The following CHRM5 variants were observed in gnomAD, a reference collection of about 807,000 sequenced individuals.
CHRM5 encodes cholinergic receptor muscarinic 5.
A neutral mutation model predicts 39.0 loss-of-function variants in CHRM5; 18 were observed. The ratio of observed to expected loss-of-function variants is 0.46; its 90% confidence interval spans 0.32 to 0.68. The LOEUF (loss-of-function observed/expected upper bound fraction) is 0.68. CHRM5 is among the 30% of genes least tolerant of loss of function. The pLI is 0.04. For missense variants in CHRM5, 515 were observed against 651.1 expected, an observed-to-expected ratio of 0.79 and a Z score of 2.28; for synonymous variants, 241 against 246.3, an observed-to-expected ratio of 0.98 and a Z score of 0.20.
chr15:33,980,193 G>T (rs1896073541), intron 1 of CHRM5, among the ~76,000 whole-genome samples: 1 of 152,206 alleles, frequency 6.6e-6, no homozygotes, highest in African/African-American at 2.4e-5. Context: ...ATTAAAGTAT[G>T]TAAGTATGTC....
chr15:34,067,413 T>G lies in CHRM5; in HGVS notation c.*3097T>G, dbSNP rs1037480561. The G allele has an allele frequency of 3.9e-5, 6 of 152,236 alleles. No homozygotes were observed. Among genetic ancestry groups the G allele is most frequent in the Admixed American group, 3.9e-4 (6 of 15,280 alleles). The allele number at this position is 152,236 out of a possible 1,614,324, so 9.4% of individuals were successfully genotyped here. A position where few individuals can be genotyped will look rare whatever the true frequency, so the allele number is the denominator to read the frequency against. ...GGATATGGGGACTGGGCTGCTTTTCTGTATTGTATAAGCACTATTCTAGAT... is the reference window on the plus strand; with the variant it reads ...GGATATGGGGACTGGGCTGCTTTTCGGTATTGTATAAGCACTATTCTAGAT... On this transcript the variant is annotated 3_prime_UTR_variant, in exon 3 of 3. Transcript: ENST00000383263.
At chr15:34,002,015 TCA>T (rs763915543) in intron 1 of CHRM5, among the ~76,000 whole-genome samples, 2 of 152,228 alleles carry the variant, frequency 1.3e-5, no homozygotes, top group South Asian at 4.1e-4. Context: ...AATTGCAGAT[TCA>T]CACACAGTTA....
chr15:34,053,102 C>T (rs951417476), intron 2 of CHRM5, among the ~76,000 whole-genome samples: 4 of 151,584 alleles, frequency 2.6e-5, no homozygotes, highest in East Asian at 1.9e-4. Flanking sequence ...GAATTTGAGA[C>T]GAGCCTAGCC....
chr15:33,990,489 T>C (rs1056018900), intron 1 of CHRM5, among the ~76,000 whole-genome samples: 4 of 152,098 alleles, frequency 2.6e-5, no homozygotes, highest in African/African-American at 9.7e-5. Context: ...ACCAGAAGAG[T>C]ATCTGGAATA....
At chr15:34,017,744 T>C (rs1898004305) in intron 1 of CHRM5, among the ~76,000 whole-genome samples, 1 of 152,136 alleles carries the variant, frequency 6.6e-6, no homozygotes, top group Non-Finnish European at 1.5e-5. Context: ...CCTCCCAAAG[T>C]GCTGGGATTA....
chr15:34,063,451 C>T lies in CHRM5; in HGVS notation c.734C>T (p.Ala245Val), dbSNP rs1900416935. Reference protein sequence around the residue: ...SVTKAEKRKPAHRALFRSCLR... With the variant: ...SVTKAEKRKPVHRALFRSCLR... ...ACCAAAGCTGAGAAGAGAAAGCCAGCTCATAGGGCTCTGTTCAGATCCTGC... is the reference window on the plus strand; with the variant it reads ...ACCAAAGCTGAGAAGAGAAAGCCAGTTCATAGGGCTCTGTTCAGATCCTGC... Residue 245 changes from alanine to valine, a missense_variant, in exon 3 of 3, where the codon GCT (alanine) becomes GTT (valine). Transcript: ENST00000383263. This position sits in a 1 kb window ranked among gnomAD's most constrained non-coding sequence, Gnocchi z 4.1. The T allele has an allele frequency of 6.2e-7, 1 of 1,613,870 alleles. No individual in the cohort carries two copies. The highest frequency in any genetic ancestry group is 8.5e-7 in the Non-Finnish European group (1 of 1,180,040).
chr15:33,989,145 C>G (rs568662630), intron 1 of CHRM5, among the ~76,000 whole-genome samples: 6 of 141,832 alleles, frequency 4.2e-5, no homozygotes, highest in Admixed American at 1.4e-4. Flanking sequence ...AAATCCCACA[C>G]AAACACACAC....
chr15:34,036,064 G>A (rs1171699448), intron 1 of CHRM5, among the ~76,000 whole-genome samples: 2 of 151,594 alleles, frequency 1.3e-5, no homozygotes, highest in Non-Finnish European at 2.9e-5. Context: ...CCAAAGTGCT[G>A]GGATTACAAG....
rs141408054 is a variant in CHRM5 at position 34,062,764 on chromosome 15, C to T, written c.47C>T (p.Pro16Leu). The stretch of plus-strand genomic sequence containing the variant: ...AATGCAACCACCGTCAATGGCACCC[C>T]AGTAAATCACCAGCCTTTGGAACGC... ...YHNATTVNGT[P>L]VNHQPLERHR... Residue 16 changes from proline (P) to leucine (L), a missense_variant, in exon 3 of 3, where the codon CCA becomes CTA. By Grantham distance (98) the Pro-to-Leu change is moderately conservative (BLOSUM62 -3). Transcript: ENST00000383263. 137 of 1,613,912 alleles carry T rather than the reference C, an allele frequency of 8.5e-5. 1 individual carries two copies. The African/African-American group carries it at 1.5e-3, about 18-fold the overall frequency.
intron 1 of CHRM5, among the ~76,000 whole-genome samples, chr15:34,002,564 A>C (rs1032705557): frequency 1.3e-5 from 2 of 152,182 alleles, no homozygotes; most frequent in Non-Finnish European, 2.9e-5. Context: ...AAAAGCAAAA[A>C]CAAAAACTTG....
chr15:33,984,003 T>G (rs8039574), intron 1 of CHRM5, among the ~76,000 whole-genome samples: 44,392 of 151,066 alleles, frequency 0.29, 8,191 homozygotes, highest in African/African-American at 0.51. Context: ...AAAGTGTCAA[T>G]TTCAGAAAAG....
chr15:34,025,339 T>C (rs1393682524), intron 1 of CHRM5, among the ~76,000 whole-genome samples: 1 of 152,190 alleles, frequency 6.6e-6, no homozygotes, highest in Non-Finnish European at 1.5e-5. Flanking sequence ...TAGTAGCTTA[T>C]AAAATCGACA....
intron 2 of CHRM5, among the ~76,000 whole-genome samples, chr15:34,056,815 GAGGCCAGGAGTTCA>G (rs1900170882): frequency 6.6e-6 from 1 of 152,056 alleles, no homozygotes; most frequent in Admixed American, 6.6e-5. Flanking sequence ...CCAGGAGTTC[GAGGCCAGGAGTTCA>G]AGGCCAGCCT....
Position 34,063,590 on chromosome 15 carries a change from C to T in CHRM5, c.873C>T (p.Ser291=), listed in dbSNP as rs1368500477. The T allele has an allele frequency of 5.6e-6, 9 of 1,613,790 alleles. No individual in the cohort carries two copies. The highest frequency in any genetic ancestry group is 4.5e-5 in the East Asian group (2 of 44,876). Reference sequence around the variant, plus strand: ...AGCCATCCCAAGCCACTGGCCCAAGCGCCAATTGGGCCAAAGCTGAGCAGC... The same window carrying T: ...AGCCATCCCAAGCCACTGGCCCAAGTGCCAATTGGGCCAAAGCTGAGCAGC... ...TGKPSQATGP[S]ANWAKAEQLT... is the part of the protein sequence containing the mutation. The change falls in exon 3 of 3, where the codon AGC becomes AGT. Residue 291 remains serine, a synonymous_variant. Coordinates refer to ENST00000383263, the MANE Select transcript of CHRM5 (RefSeq NM_012125.4). This position sits in a 1 kb window ranked among gnomAD's most constrained non-coding sequence, Gnocchi z 4.1.
At chr15:34,013,391 C>G (rs1444029860) in intron 1 of CHRM5, among the ~76,000 whole-genome samples, 2 of 152,058 alleles carry the variant, frequency 1.3e-5, no homozygotes. Context: ...AAAATAAAAA[C>G]AGTCACCTTG....
intron 2 of CHRM5, among the ~76,000 whole-genome samples, chr15:34,048,817 G>T (rs916689745): frequency 6.6e-6 from 1 of 152,212 alleles, no homozygotes; most frequent in Admixed American, 6.5e-5. Flanking sequence ...ATCCTCCTGG[G>T]ATGGAGCCTC....
chr15:34,060,613 C>A (rs77009925), intron 2 of CHRM5, among the ~76,000 whole-genome samples: 13,801 of 152,214 alleles, frequency 0.091, 891 homozygotes, highest in South Asian at 0.27. Flanking sequence ...CGGTGGCTTT[C>A]GCCTGTAATC....
Position 33,989,367 on chromosome 15 carries a change from A to C in CHRM5, c.-408+20217A>C, listed in dbSNP as rs935429399. On this transcript the variant is annotated intron_variant, in intron 1 of 2. Transcript: ENST00000383263. ...TTTGTATAGAACTTTATAATTTGTA[A>C]AATAATTCCACATGATCGTCACAAC... Among the ~76,000 whole-genome samples the C allele has an allele frequency of 4.6e-5, 7 of 152,226 alleles. No homozygotes were observed. The South Asian group carries it at 1.5e-3, about 32-fold the overall frequency.
intron 1 of CHRM5, among the ~76,000 whole-genome samples, chr15:33,978,701 A>C (rs1298754547): frequency 6.6e-6 from 1 of 152,022 alleles, no homozygotes; most frequent in African/African-American, 2.4e-5. Context: ...AAAATAAATA[A>C]AATTAAGGTG....
Sources: gnomAD v4.1 joint callset for allele counts (sites outside exome capture counted in the v4.1 genomes callset) on GRCh38, gnomAD v4.1.1 for gene constraint, Gnocchi (gnomAD v3.1) non-coding constraint, MANE v1.5 for transcripts, NCBI Gene and HGNC (gene_info 2026-07-23, HGNC 2026-07-21) for gene names.